CAMSAP2: variants seen among roughly 807,000 people sequenced by gnomAD.
The protein encoded by CAMSAP2 is calmodulin regulated spectrin associated protein family member 2, also known as calmodulin-regulated spectrin-associated protein 2.
Under a neutral mutation model 146.1 loss-of-function variants are expected in CAMSAP2, and 26 were observed. The ratio of observed to expected loss-of-function variants is 0.18; its 90% CI spans 0.13 to 0.25. The LOEUF (loss-of-function observed/expected upper bound fraction) is 0.25, where lower values mean the gene tolerates loss of function less well. CAMSAP2 is among the 10% of genes least tolerant of loss of function. CAMSAP2 has a pLI of 1.00. For missense variants in CAMSAP2, 1,381 were observed against 1,759.3 expected (o/e 0.78, Z 3.85); for synonymous variants, 499 against 596.6 (o/e 0.84, Z 2.38).
At chr1:200,847,586 ATAAGT>A (rs1667493096) in intron 9 of CAMSAP2, 49 bp from the exon 10 acceptor site, 1 of 1,387,630 alleles carries the variant, frequency 7.2e-7, no homozygotes, top group Non-Finnish European at 1.0e-6. Context: ...CTAAGTTGCT[ATAAGT>A]TAATTTTTTT....
chr1:200,841,199 T>C (rs965482163), intron 6 of CAMSAP2, among the ~76,000 whole-genome samples: 1 of 152,236 alleles, frequency 6.6e-6, no homozygotes, highest in East Asian at 1.9e-4. Context: ...GTTTTGGTGT[T>C]ATTTAGCACC....
At chr1:200,787,553 T>A (rs1558177651) in intron 2 of CAMSAP2, among the ~76,000 whole-genome samples, 1 of 152,248 alleles carries the variant, frequency 6.6e-6, no homozygotes, top group Non-Finnish European at 1.5e-5. Flanking sequence ...AAGTGGTTTC[T>A]TGTGATGGAT....
chr1:200,758,322 A>C (rs1311294512), intron 1 of CAMSAP2, among the ~76,000 whole-genome samples: 1 of 152,236 alleles, frequency 6.6e-6, no homozygotes, highest in Non-Finnish European at 1.5e-5. Flanking sequence ...TCCATTGTTT[A>C]TACATTTGAT....
intron 4 of CAMSAP2, among the ~76,000 whole-genome samples, chr1:200,817,110 GTGTGTGTATATACACGTATATA>G (rs1558191795): frequency 7.0e-6 from 1 of 141,848 alleles, no homozygotes; most frequent in Non-Finnish European, 1.6e-5. Flanking sequence ...ATACACACAC[GTGTGTGTATATACACGTATATA>G]TGTGTATATA....
At chr1:200,765,132 A>G (rs1664910238) in intron 2 of CAMSAP2, among the ~76,000 whole-genome samples, 1 of 151,968 alleles carries the variant, frequency 6.6e-6, no homozygotes, top group Middle Eastern at 3.2e-3. Context: ...AAAAAACTCA[A>G]CGTAACTTCT....
At chr1:200,843,338 C>T (rs1005291366) in intron 7 of CAMSAP2, among the ~76,000 whole-genome samples, 4 of 152,104 alleles carry the variant, frequency 2.6e-5, no homozygotes, top group Admixed American at 1.3e-4. Flanking sequence ...GGCAGCCCAC[C>T]GCATCTCAGG....
intron 1 of CAMSAP2, among the ~76,000 whole-genome samples, chr1:200,759,200 A>C (rs1664730521): frequency 7.1e-6 from 1 of 141,222 alleles, no homozygotes. Flanking sequence ...TTTTTTCCCT[A>C]CTCTTTCTCT....
intron 2 of CAMSAP2, among the ~76,000 whole-genome samples, chr1:200,802,113 T>C (rs925695686): frequency 1.3e-5 from 2 of 152,254 alleles, no homozygotes; most frequent in African/African-American, 4.8e-5. Flanking sequence ...AGAATGTCTT[T>C]GGATTGGAAG....
chr1:200,848,910 C>G lies in CAMSAP2; in HGVS notation c.2141C>G (p.Pro714Arg). The G allele has an allele frequency of 2.5e-6, 4 of 1,614,114 alleles. No individual in the cohort carries two copies. The highest frequency in any genetic ancestry group is 1.7e-5 in the Admixed American group (1 of 60,008). The change falls in exon 11 of 17, where the codon CCA becomes CGA. Residue 714 changes from proline to arginine, a missense_variant. Coordinates refer to ENST00000358823, the MANE Select transcript of CAMSAP2 (RefSeq NM_203459.4). ...SSGSSSQKTT[P>R]EGSELNIPHV... ...GGAAGCAGTTCTCAAAAAACTACAC[C>G]AGAAGGCTCTGAACTTAATATTCCT...
chr1:200,817,177 T>TACACACACATATAAGTGTGTGTGTATAC (rs1666598483), intron 4 of CAMSAP2, among the ~76,000 whole-genome samples: 2 of 54,218 alleles, frequency 3.7e-5, no homozygotes, highest in Admixed American at 2.0e-4. Flanking sequence ...TGTGTGTATA[T>TACACACACATATAAGTGTGTGTGTATAC]ACACACACAC....
intron 7 of CAMSAP2, among the ~76,000 whole-genome samples, chr1:200,842,637 A>G (rs12742404): frequency 0.094 from 14,358 of 152,208 alleles, 832 homozygotes; most frequent in East Asian, 0.17. Flanking sequence ...GCAAAATTTC[A>G]CATAGCAAAA....
At chr1:200,843,973 G>A (rs563120518) in intron 7 of CAMSAP2, among the ~76,000 whole-genome samples, 4 of 152,016 alleles carry the variant, frequency 2.6e-5, no homozygotes, top group South Asian at 2.1e-4. Flanking sequence ...CCAGGTTCAC[G>A]CCATTCTCCT....
At chr1:200,788,504 G>A (rs1436506893) in intron 2 of CAMSAP2, among the ~76,000 whole-genome samples, 2 of 152,240 alleles carry the variant, frequency 1.3e-5, no homozygotes, top group East Asian at 3.9e-4. Flanking sequence ...CACTAGCAGT[G>A]AATGAAAGTT....
At position 200,843,863 on chromosome 1, in the gene CAMSAP2, TG is replaced by T. The variant is rs1168017843; in HGVS notation, c.1022-918del. On this transcript the variant is annotated intron_variant, in intron 7 of 16. Coordinates refer to ENST00000358823, the MANE Select transcript of CAMSAP2 (RefSeq NM_203459.4). ...TGTTTTTTTTTTGTTTGTTTGTTTT[TG>T]TTTTGTTTTGTTTTGTTTTGTTTTT... Among the ~76,000 whole-genome samples, 682 of 151,736 alleles carry T rather than the reference TG, an allele frequency of 4.5e-3. 7 individuals are homozygous for T. The highest frequency in any genetic ancestry group is 0.016 in the African/African-American group (658 of 41,222).
chr1:200,825,144 T>C (rs1366011045), intron 4 of CAMSAP2, among the ~76,000 whole-genome samples: 2 of 152,180 alleles, frequency 1.3e-5, no homozygotes, highest in East Asian at 3.8e-4. Context: ...TGAAATACAT[T>C]TGTGTTAATT....
rs529366951 is a variant in CAMSAP2, at chr1:200,858,342, C to T, written c.*283C>T. 3.5e-6 allele frequency: 1 copy of T among 285,948 alleles called. No homozygotes were observed. Among genetic ancestry groups the T allele is most frequent in the East Asian group, 5.8e-5 (1 of 17,098 alleles). 17.7% of individuals were successfully genotyped at this position (285,948 alleles called of 1,614,324 possible). A position where few individuals can be genotyped will look rare whatever the true frequency, so the allele number is the denominator to read the frequency against. The stretch of plus-strand genomic sequence containing the variant: ...GCTTGATATTAGATACATTAAAGCA[C>T]TGAATTTTCATGGATATTAGTTGGA... On this transcript the variant is annotated 3_prime_UTR_variant, in exon 17 of 17. Coordinates refer to ENST00000358823, the MANE Select transcript of CAMSAP2 (RefSeq NM_203459.4).
At chr1:200,758,111 A>T (rs1262641742) in intron 1 of CAMSAP2, among the ~76,000 whole-genome samples, 1 of 152,330 alleles carries the variant, frequency 6.6e-6, no homozygotes, top group Middle Eastern at 3.4e-3. Context: ...GACAGAATGC[A>T]TGTTTAGGAC....
chr1:200,791,695 T>C (rs1665757569), intron 2 of CAMSAP2, among the ~76,000 whole-genome samples: 1 of 152,226 alleles, frequency 6.6e-6, no homozygotes. Context: ...GTGATTGTTA[T>C]TCTTTTCCTT....
At chr1:200,799,745 G>T (rs2103040084) in intron 2 of CAMSAP2, among the ~76,000 whole-genome samples, 1 of 152,164 alleles carries the variant, frequency 6.6e-6, no homozygotes, top group East Asian at 1.9e-4. Context: ...TGCTTCTCTA[G>T]TTCTTTTAAA....
Sources: allele counts gnomAD v4.1 joint callset (sites outside exome capture counted in the v4.1 genomes callset), GRCh38; gene constraint gnomAD v4.1.1; transcripts MANE v1.5; gene names NCBI Gene and HGNC (gene_info 2026-07-23, HGNC 2026-07-21).